TBC1D23: variants seen among roughly 807,000 people sequenced by gnomAD.
TBC1D23 encodes the protein TBC1 domain family member 23, also known as HCV non-structural protein 4A-transactivated protein 1.
TBC1D23 carries 55 observed loss-of-function variants against 91.4 expected under a neutral mutation model. That is an observed-to-expected ratio of 0.60 (90% confidence interval 0.48 to 0.75). The LOEUF (loss-of-function observed/expected upper bound fraction) is 0.75. Among genes scored for constraint, TBC1D23 ranks in the 30% least tolerant of loss-of-function variants. The pLI is 0.00. For synonymous variants in TBC1D23, 289 were observed against 281.0 expected, an observed-to-expected ratio of 1.03 and a Z score of -0.28; for missense variants, 725 against 836.1, an observed-to-expected ratio of 0.87 and a Z score of 1.64.
chr3:100,306,076 A>G (rs1705512064), intron 12 of TBC1D23, among the ~76,000 whole-genome samples: 1 of 152,362 alleles, frequency 6.6e-6, no homozygotes. Flanking sequence ...TGGTATAACA[A>G]AAGTCACAAT....
chr3:100,287,204 T>C (rs2067751622), intron 4 of TBC1D23, among the ~76,000 whole-genome samples: 1 of 151,292 alleles, frequency 6.6e-6, no homozygotes. Context: ...CCTCCATCTC[T>C]TAAGCTCAAG....
chr3:100,268,398 T>TA (rs373075500), intron 1 of TBC1D23, among the ~76,000 whole-genome samples: 12 of 151,516 alleles, frequency 7.9e-5, no homozygotes, highest in African/African-American at 1.5e-4. Flanking sequence ...GAATCCAGCT[T>TA]AAAAAAAAAC....
chr3:100,310,264 T>G, intron 13 of TBC1D23, 139 bp from the exon 14 acceptor site: 14 of 730,530 alleles, frequency 1.9e-5, no homozygotes, highest in Non-Finnish European at 2.9e-5. Context: ...AGTCACATTC[T>G]GAGATATACT....
chr3:100,321,947 G>A (rs1156865574), intron 18 of TBC1D23, among the ~76,000 whole-genome samples: 2 of 150,722 alleles, frequency 1.3e-5, no homozygotes, highest in Non-Finnish European at 1.5e-5. Flanking sequence ...ACATTGATGT[G>A]TATCTTCTCA....
chr3:100,279,896 G>T, intron 2 of TBC1D23, 136 bp downstream of exon 2: 1 of 558,058 alleles, frequency 1.8e-6, no homozygotes, highest in Non-Finnish European at 3.3e-6. Flanking sequence ...TCAAACAGCA[G>T]CTTATTAAAA....
intron 1 of TBC1D23, 92 bp from the exon 2 acceptor site, chr3:100,279,557 C>A: frequency 1.2e-6 from 1 of 816,322 alleles, no homozygotes; most frequent in Admixed American, 2.8e-5. Flanking sequence ...GTTTCTTAGA[C>A]AAGCCTTTAA....
At chr3:100,292,510 G>T (rs749900864) in intron 5 of TBC1D23, among the ~76,000 whole-genome samples, 3 of 152,184 alleles carry the variant, frequency 2.0e-5, no homozygotes, top group Admixed American at 6.5e-5. Flanking sequence ...GGTAATTGGA[G>T]AATTCTAACT....
At chr3:100,299,099 C>CT (rs1705367581) in intron 9 of TBC1D23, 140 bp from the exon 10 acceptor site, 1 of 475,714 alleles carries the variant, frequency 2.1e-6, no homozygotes, top group Admixed American at 3.7e-5. Flanking sequence ...ATTTTCTGTG[C>CT]TAACTAGGTC....
intron 13 of TBC1D23, among the ~76,000 whole-genome samples, chr3:100,308,463 C>T (rs941724739): frequency 8.0e-5 from 12 of 149,284 alleles, no homozygotes; most frequent in Non-Finnish European, 1.6e-4. Context: ...GGCGACAGAA[C>T]GAGACTCCGT....
intron 4 of TBC1D23, among the ~76,000 whole-genome samples, chr3:100,285,068 C>T (rs1186349422): frequency 6.6e-6 from 1 of 152,144 alleles, no homozygotes; most frequent in African/African-American, 2.4e-5. Flanking sequence ...GTTCTCTACC[C>T]TGGTTGCTTG....
chr3:100,295,007 T>C, intron 5 of TBC1D23, 80 bp from the exon 6 acceptor site: 1 of 1,328,008 alleles, frequency 7.5e-7, no homozygotes, highest in Non-Finnish European at 1.0e-6. Flanking sequence ...ATAATGTTTC[T>C]TATTCATTTG....
chr3:100,322,946 A>T (rs992551350), intron 18 of TBC1D23, among the ~76,000 whole-genome samples: 2 of 152,084 alleles, frequency 1.3e-5, no homozygotes, highest in East Asian at 1.9e-4. Flanking sequence ...ATGCTTTTTT[A>T]AAAAAATACC....
In TBC1D23 at chr3:100,279,739, T is replaced by TC; in HGVS notation, c.145dup (p.Leu49ProfsTer17). The TC allele has an allele frequency of 6.3e-7, 1 of 1,599,758 alleles. No individual in the cohort carries two copies. Among genetic ancestry groups the TC allele is most frequent in the Non-Finnish European group, 8.6e-7 (1 of 1,169,584 alleles). ...TTCAAGGAAGACCGCTGCCTGCTGATCTGAGGGCCAAAGTTTGGAAGGTAA... is the reference window on the plus strand; with the variant it reads ...TTCAAGGAAGACCGCTGCCTGCTGATCCTGAGGGCCAAAGTTTGGAAGGTAA... On this transcript the variant is annotated frameshift_variant, in exon 2 of 19. Coordinates refer to ENST00000394144, the MANE Select transcript of TBC1D23 (RefSeq NM_001199198.3). LOFTEE classifies it high-confidence loss of function.
At chr3:100,312,822 T>C (rs1705649575) in intron 15 of TBC1D23, among the ~76,000 whole-genome samples, 1 of 152,132 alleles carries the variant, frequency 6.6e-6, no homozygotes, top group Non-Finnish European at 1.5e-5. Flanking sequence ...CTCAGTGACT[T>C]GAAGTAGCAT....
At chr3:100,267,270 C>T in intron 1 of TBC1D23, 1 of 438,490 alleles carries the variant, frequency 2.3e-6, no homozygotes, top group South Asian at 1.7e-5. Flanking sequence ...CCATTAAGCT[C>T]ATAAAATCAA....
At chr3:100,311,700 G>A in intron 14 of TBC1D23, 133 bp from the exon 15 acceptor site, 1 of 587,976 alleles carries the variant, frequency 1.7e-6, no homozygotes, top group Non-Finnish European at 2.9e-6. Flanking sequence ...TTGTACTTGG[G>A]ATGATGGAAA....
Position 100,306,478 on chromosome 3 carries a change from G to A in TBC1D23, c.1348G>A (p.Glu450Lys), listed in dbSNP as rs1226703745. 4 of 1,613,072 alleles carry A rather than the reference G, an allele frequency of 2.5e-6. No individual in the cohort carries two copies. Among genetic ancestry groups the A allele is most frequent in the Non-Finnish European group, 3.4e-6 (4 of 1,179,154 alleles). ...HLADINVDGP[E>K]NGYGHWIAST... ...GGCAGACATTAATGTGGATGGACCAGAAAATGGATATGGCCATTGGATTGC... is the reference window on the plus strand; with the variant it reads ...GGCAGACATTAATGTGGATGGACCAAAAAATGGATATGGCCATTGGATTGC... Residue 450 changes from glutamate to lysine, a missense_variant, in exon 13 of 19, where the codon GAA becomes AAA. Physicochemically the swap from Glu to Lys is moderately conservative, Grantham distance 56. Transcript: ENST00000394144.
At position 100,311,877 on chromosome 3, in the gene TBC1D23, G is replaced by A. The variant is rs949048722; in HGVS notation, c.1598G>A (p.Arg533Gln). The A allele has an allele frequency of 1.6e-5, 25 of 1,532,552 alleles. No homozygotes were observed. The highest frequency in any genetic ancestry group is 1.7e-4 in the Middle Eastern group (1 of 6,008). 94.9% of individuals were successfully genotyped at this position (1,532,552 alleles called of 1,614,324 possible). Residue 533 changes from arginine to glutamine, a missense_variant and splice_region_variant, in exon 15 of 19, where the codon CGG becomes CAG. Coordinates refer to ENST00000394144, the MANE Select transcript of TBC1D23 (RefSeq NM_001199198.3). ...LPWPDRSCTE[R>Q]HVSSSDRVGK... ...TGGCCAGACAGATCATGTACAGAGC[G>A]GTAAGCCAATGAGTAGAGCATTTTT...
intron 1 of TBC1D23, among the ~76,000 whole-genome samples, chr3:100,267,597 T>C (rs569768080): frequency 6.6e-6 from 1 of 152,196 alleles, no homozygotes; most frequent in African/African-American, 2.4e-5. Flanking sequence ...GATATACAGG[T>C]TGAATATCTC....
Sources: gnomAD v4.1 joint callset for allele counts (sites outside exome capture counted in the v4.1 genomes callset) on GRCh38, gnomAD v4.1.1 for gene constraint, MANE v1.5 for transcripts, NCBI Gene and HGNC (gene_info 2026-07-23, HGNC 2026-07-21) for gene names.